The following MYBPC1 variants were observed in gnomAD, a reference collection of about 807,000 sequenced individuals.
The protein encoded by MYBPC1 is myosin-binding protein C, slow-type.
In MYBPC1, 52 loss-of-function variants were observed where a neutral mutation model predicts 147.1. That is an observed-to-expected ratio of 0.35 (90% CI 0.28 to 0.45). The LOEUF is 0.45. MYBPC1 is among the 20% of genes least tolerant of loss of function. The pLI, the probability that MYBPC1 is intolerant of heterozygous loss-of-function variation, is 1.00. For synonymous variants in MYBPC1, 477 were observed against 475.9 expected (o/e 1.00, Z -0.03); for missense variants, 1,228 against 1,440.3 (o/e 0.85, Z 2.39).
At chr12:101,609,614 A>T (rs1273332434) in intron 1 of MYBPC1, among the ~76,000 whole-genome samples, 1 of 152,138 alleles carries the variant, frequency 6.6e-6, no homozygotes, top group Admixed American at 6.5e-5. Context: ...CAGAATCTGC[A>T]GTTTGATCAG....
chr12:101,629,276 A>G, intron 5 of MYBPC1, 158 bp from the exon 6 acceptor site: 1 of 680,504 alleles, frequency 1.5e-6, no homozygotes, highest in East Asian at 2.7e-5. Flanking sequence ...GTTCCCCTCT[A>G]CTGATGGCTG....
intron 2 of MYBPC1, 135 bp from the exon 3 acceptor site, chr12:101,617,067 G>A (rs1478031674): frequency 1.3e-6 from 1 of 756,990 alleles, no homozygotes; most frequent in Non-Finnish European, 2.3e-6. Context: ...TTCATGTACA[G>A]CACGAGTATT....
chr12:101,654,248 A>C (rs1282025800), intron 18 of MYBPC1, among the ~76,000 whole-genome samples: 2 of 152,122 alleles, frequency 1.3e-5, no homozygotes, highest in African/African-American at 4.8e-5. Context: ...TAAATAATAA[A>C]AAGCAGAATG....
chr12:101,653,688 C>T (rs1894991222), intron 18 of MYBPC1, among the ~76,000 whole-genome samples: 2 of 152,004 alleles, frequency 1.3e-5, no homozygotes, highest in African/African-American at 4.8e-5. Context: ...GAAGATCAAA[C>T]GGAAGACATT....
chr12:101,595,875 G>A (rs1018462956), intron 1 of MYBPC1, among the ~76,000 whole-genome samples: 1 of 151,268 alleles, frequency 6.6e-6, no homozygotes, highest in African/African-American at 2.4e-5. Context: ...GCTACCAATT[G>A]GTAACAGAAG....
rs1899200595 is a variant in MYBPC1 at position 101,673,641 on chromosome 12, GC to G, written c.2809+21del. On this transcript the variant is annotated intron_variant, in intron 25 of 31. Coordinates refer to ENST00000361466, the MANE Select transcript of MYBPC1 (RefSeq NM_002465.4). ...ATCATTGGTAGGTTTAGATGAAGGA[GC>G]CAGAAAGTTCTGTCAAAGCAGTACA... The G allele has an allele frequency of 1.2e-6, 2 of 1,613,892 alleles. No individual in the cohort carries two copies. Among genetic ancestry groups the G allele is most frequent in the African/African-American group, 2.7e-5 (2 of 75,044 alleles).
intron 1 of MYBPC1, among the ~76,000 whole-genome samples, chr12:101,611,327 T>C (rs1444537181): frequency 6.6e-6 from 1 of 152,262 alleles, no homozygotes; most frequent in Non-Finnish European, 1.5e-5. Flanking sequence ...GTCTGTTACA[T>C]AGCCCATGGG....
intron 30 of MYBPC1, among the ~76,000 whole-genome samples, chr12:101,683,544 G>A (rs774856756): frequency 3.3e-5 from 5 of 152,110 alleles, no homozygotes; most frequent in Admixed American, 2.0e-4. Context: ...CATTTTCATG[G>A]GGACTCAAAT....
chr12:101,688,405 T>G (rs1375091546), downstream of MYBPC1, among the ~76,000 whole-genome samples: 1 of 151,858 alleles, frequency 6.6e-6, no homozygotes, highest in Non-Finnish European at 1.5e-5. Flanking sequence ...GGCAACAAAG[T>G]GAGACCCTGT....
chr12:101,638,551 A>C (rs1891430336), intron 10 of MYBPC1, among the ~76,000 whole-genome samples: 1 of 152,208 alleles, frequency 6.6e-6, no homozygotes, highest in Admixed American at 6.5e-5. Flanking sequence ...TACTTCCTCT[A>C]AGGAAATGTG....
chr12:101,600,831 T>G (rs1166441297), intron 1 of MYBPC1, among the ~76,000 whole-genome samples: 4 of 152,228 alleles, frequency 2.6e-5, no homozygotes, highest in African/African-American at 7.2e-5. Context: ...CATACTTAAG[T>G]GTGTTAGATG....
intron 1 of MYBPC1, among the ~76,000 whole-genome samples, chr12:101,603,918 G>A (rs1881142588): frequency 6.6e-6 from 1 of 152,162 alleles, no homozygotes; most frequent in East Asian, 1.9e-4. Flanking sequence ...GTGGCAGAGT[G>A]AGACTCTGTC....
chr12:101,636,799 G>C, intron 10 of MYBPC1, 71 bp downstream of exon 10: 1 of 1,251,242 alleles, frequency 8.0e-7, no homozygotes, highest in Non-Finnish European at 1.2e-6. Flanking sequence ...GAGAAGTCAA[G>C]TTTAAAGTGG....
In MYBPC1 at chr12:101,666,597, G is replaced by A. The variant is rs73388458; in HGVS notation, c.2357-1135G>A. On this transcript the variant is annotated intron_variant, in intron 22 of 31. Transcript: ENST00000361466. ...TCTCCTGAGGAACCCCCCTAACACC[G>A]TTTGGTCTCTTCCGTCACTGCTCTG... The A allele has an allele frequency of 8.2e-3, 6,490 of 787,118 alleles. 299 individuals are homozygous for A. The African/African-American group carries it at 0.094, about 11-fold the overall frequency. The allele number at this position is 787,118 out of a possible 1,614,324, so 48.8% of individuals were successfully genotyped here.
At chr12:101,620,904 C>G (rs118085508) in intron 3 of MYBPC1, among the ~76,000 whole-genome samples, 2,322 of 152,088 alleles carry the variant, frequency 0.015, 28 homozygotes, top group Non-Finnish European at 0.022. Context: ...TTTCTTTTCC[C>G]AGGCATTCAC....
At chr12:101,628,870 T>C (rs1889223820) in intron 5 of MYBPC1, among the ~76,000 whole-genome samples, 1 of 152,220 alleles carries the variant, frequency 6.6e-6, no homozygotes, top group Non-Finnish European at 1.5e-5. Context: ...CAGGTCATGA[T>C]CTGTTACTTC....
chr12:101,653,303 G>C, intron 18 of MYBPC1, 55 bp downstream of exon 18: 1 of 1,598,728 alleles, frequency 6.3e-7, no homozygotes, highest in Non-Finnish European at 8.5e-7. Flanking sequence ...CAGACACACT[G>C]CCTACCCCAC....
intron 3 of MYBPC1, 57 bp from the exon 4 acceptor site, chr12:101,626,815 G>A: frequency 7.3e-7 from 1 of 1,372,688 alleles, no homozygotes; most frequent in Non-Finnish European, 1.0e-6. Context: ...TCTTTTCTCA[G>A]GTTACTTGGG....
intron 27 of MYBPC1, 138 bp from the exon 28 acceptor site, chr12:101,677,964 C>A: frequency 1.8e-6 from 2 of 1,088,094 alleles, no homozygotes; most frequent in Non-Finnish European, 2.7e-6. Context: ...AGAATGTTTG[C>A]CACATGGCAT....
Sources: allele counts gnomAD v4.1 joint callset (sites outside exome capture counted in the v4.1 genomes callset), GRCh38; gene constraint gnomAD v4.1.1; transcripts MANE v1.5; gene names NCBI Gene and HGNC (gene_info 2026-07-23, HGNC 2026-07-21).